The following PIEZO2 variants were observed in gnomAD, a reference collection of about 807,000 sequenced individuals.
PIEZO2 encodes the protein piezo type mechanosensitive ion channel component 2.
Under a neutral mutation model 337.3 loss-of-function variants are expected in PIEZO2, and 172 were observed. The observed-to-expected ratio is 0.51, with a 90% confidence interval of 0.45 to 0.58. The LOEUF is 0.58. Among genes scored for constraint, PIEZO2 ranks in the 20% least tolerant of loss-of-function variants. The pLI is 0.00. For synonymous variants in PIEZO2, 1,251 were observed against 1,228.5 expected (o/e 1.02, Z -0.38); for missense variants, 3,028 against 3,391.3 (o/e 0.89, Z 2.66).
rs886383786 is a variant in PIEZO2, at chr18:10,899,377, C to T, written c.329+11809G>A. ...CACTTTATCTAGGATAATGTATTTC[C>T]AAAGATTTGGATGGAAAACTCAAAC... is the stretch of plus-strand genomic sequence containing the variant. On this transcript the variant is annotated intron_variant, in intron 4 of 55. Transcript: ENST00000674853. This position sits in a 1 kb window ranked among gnomAD's most constrained non-coding sequence, Gnocchi z 4.6. Among the ~76,000 whole-genome samples the T allele has an allele frequency of 6.6e-6, 1 of 152,016 alleles. No individual in the cohort carries two copies. The highest frequency in any genetic ancestry group is 2.4e-5 in the African/African-American group (1 of 41,394).
chr18:11,040,333 T>C (rs543185142), intron 2 of PIEZO2, among the ~76,000 whole-genome samples: 2 of 152,206 alleles, frequency 1.3e-5, no homozygotes. Context: ...TTAGAGACAT[T>C]ATTTTATTTA....
chr18:11,056,590 T>A (rs370815222), intron 2 of PIEZO2, among the ~76,000 whole-genome samples: 4 of 152,300 alleles, frequency 2.6e-5, no homozygotes, highest in East Asian at 1.9e-4. Flanking sequence ...GATTGGTTAC[T>A]GAAGGGGATG....
intron 4 of PIEZO2, among the ~76,000 whole-genome samples, chr18:10,889,400 T>G (rs892885241): frequency 1.3e-5 from 2 of 152,242 alleles, no homozygotes; most frequent in Non-Finnish European, 1.5e-5. Context: ...TTAAGGCTTT[T>G]GGACACAATG....
intron 49 of PIEZO2, among the ~76,000 whole-genome samples, chr18:10,683,234 G>A (rs1454408373): frequency 6.6e-6 from 1 of 152,206 alleles, no homozygotes; most frequent in African/African-American, 2.4e-5. Flanking sequence ...TTACCCATAG[G>A]CACTAGCCAT....
intron 36 of PIEZO2, among the ~76,000 whole-genome samples, chr18:10,720,891 T>G (rs570239424): frequency 7.9e-5 from 12 of 152,306 alleles, no homozygotes; most frequent in Admixed American, 7.8e-4. Flanking sequence ...TGCTCTTTAT[T>G]TTTTATGCAT....
intron 2 of PIEZO2, among the ~76,000 whole-genome samples, chr18:11,030,247 A>T (rs2036682409): frequency 6.6e-6 from 1 of 152,246 alleles, no homozygotes; most frequent in Non-Finnish European, 1.5e-5. Context: ...TGTGATGAAA[A>T]TGACAACTAT....
At position 10,673,251 on chromosome 18, in the gene PIEZO2, T is replaced by C. The variant is rs573901651; in HGVS notation, c.8162-378A>G. ...GTCCATTCATATTACCAGCATTTGTTGCATGTCTCATAGGAGGAAGGCACT... is the reference window on the plus strand; with the variant it reads ...GTCCATTCATATTACCAGCATTTGTCGCATGTCTCATAGGAGGAAGGCACT... On this transcript the variant is annotated intron_variant, in intron 54 of 55. Coordinates refer to ENST00000674853, the MANE Select transcript of PIEZO2 (RefSeq NM_001378183.1). This position sits in a 1 kb window ranked among gnomAD's most constrained non-coding sequence, Gnocchi z 4.8. Among the ~76,000 whole-genome samples the C allele has an allele frequency of 1.4e-4, 22 of 152,234 alleles. No homozygotes were observed. Among genetic ancestry groups the C allele is most frequent in the Admixed American group, 3.9e-4 (6 of 15,290 alleles).
chr18:11,059,666 T>C (rs925828500), intron 2 of PIEZO2, among the ~76,000 whole-genome samples: 6 of 152,164 alleles, frequency 3.9e-5, no homozygotes, highest in African/African-American at 1.4e-4. Flanking sequence ...AAGAAGGCCA[T>C]TACATAATGG....
rs2036541063 is a variant in PIEZO2 at position 10,726,399 on chromosome 18, C to G, written c.5029+5008G>C. 2.0e-6 allele frequency: 3 copies of G among 1,526,314 alleles called. No homozygotes were observed. The East Asian group carries it at 7.4e-5, about 37-fold the overall frequency. The allele number at this position is 1,526,314 out of a possible 1,614,324, so 94.5% of individuals were successfully genotyped here. On this transcript the variant is annotated intron_variant, in intron 36 of 55. Transcript: ENST00000674853. This position sits in a 1 kb window ranked among gnomAD's most constrained non-coding sequence, Gnocchi z 5.9. ...CTACCTGCGGGGCGGTAACAACGCG[C>G]GCCAGCCGTGGCACAACGCGGAGGG...
At chr18:10,723,468 G>C (rs2036405929) in intron 36 of PIEZO2, among the ~76,000 whole-genome samples, 1 of 152,222 alleles carries the variant, frequency 6.6e-6, no homozygotes, top group South Asian at 2.1e-4. Flanking sequence ...GGAGCAGATG[G>C]AGGGAGATGT....
Position 10,707,000 on chromosome 18 carries a change from C to T in PIEZO2, c.5589-1254G>A, listed in dbSNP as rs182097808. Among the ~76,000 whole-genome samples, 108 of 152,272 alleles carry T rather than the reference C, an allele frequency of 7.1e-4. 1 individual carries two copies. The highest frequency in any genetic ancestry group is 2.5e-3 in the African/African-American group (103 of 41,556). The stretch of plus-strand genomic sequence containing the variant: ...GAATGAACCTTGGCAGAGCGGCTCA[C>T]GGCATCCTGTGACTGAAGAACCAGA... On this transcript the variant is annotated intron_variant, in intron 40 of 55. Transcript: ENST00000674853.
At chr18:11,093,551 G>A (rs1327132318) in intron 1 of PIEZO2, among the ~76,000 whole-genome samples, 2 of 139,000 alleles carry the variant, frequency 1.4e-5, no homozygotes, top group East Asian at 2.3e-4. Flanking sequence ...ATTTCTCCTT[G>A]ACATCCAGTC....
intron 1 of PIEZO2, among the ~76,000 whole-genome samples, chr18:11,119,614 G>A (rs1477024816): frequency 3.3e-5 from 5 of 152,120 alleles, no homozygotes; most frequent in Non-Finnish European, 7.3e-5. Flanking sequence ...TACGAAGGTA[G>A]CAGGGGTTTA....
chr18:10,696,148 C>G lies in PIEZO2; in HGVS notation c.7116G>C (p.Lys2372Asn), dbSNP rs753146531. Reference protein sequence around the residue: ...ALYLRKTVLGKVIFQVILVFG... With the variant: ...ALYLRKTVLGNVIFQVILVFG... ...ACACAAGAATGACCTGGAAGATGAC[C>G]TTTCCCAGTACAGTCTTCCTGAGGT... The change falls in exon 47 of 56, where the codon AAG becomes AAC. Residue 2372 changes from lysine to asparagine, a missense_variant. This residue lies in a region of PIEZO2 where 179 missense variants were observed against 281.8 expected (regional missense o/e 0.64). Coordinates refer to ENST00000674853, the MANE Select transcript of PIEZO2 (RefSeq NM_001378183.1). 1 of 1,614,200 alleles carries G rather than the reference C, an allele frequency of 6.2e-7. No homozygotes were observed. The highest frequency in any genetic ancestry group is 1.7e-5 in the Admixed American group (1 of 60,036).
intron 3 of PIEZO2, among the ~76,000 whole-genome samples, chr18:10,967,950 T>A (rs543412616): frequency 1.4e-4 from 21 of 152,158 alleles, no homozygotes; most frequent in Non-Finnish European, 2.9e-4. Context: ...CAGAAGCTTT[T>A]TAGTTTAATT....
intron 7 of PIEZO2, among the ~76,000 whole-genome samples, chr18:10,841,460 C>G (rs965545087): frequency 6.6e-6 from 1 of 152,116 alleles, no homozygotes; most frequent in African/African-American, 2.4e-5. Context: ...AGTGACTCAT[C>G]ATGTACAAGA....
chr18:10,820,175 T>A (rs929725808), intron 7 of PIEZO2, among the ~76,000 whole-genome samples: 5 of 152,144 alleles, frequency 3.3e-5, no homozygotes, highest in African/African-American at 1.2e-4. Context: ...TTTGTTTAGA[T>A]TGGAGTTTGT....
At chr18:10,901,452 AC>A (rs1183808341) in intron 4 of PIEZO2, among the ~76,000 whole-genome samples, 1 of 151,744 alleles carries the variant, frequency 6.6e-6, no homozygotes, top group African/African-American at 2.4e-5. Flanking sequence ...ACACACACAC[AC>A]ACACACTGCA....
chr18:11,080,292 GA>G lies in PIEZO2; in HGVS notation c.65-14071del, dbSNP rs1568356257. On this transcript the variant is annotated intron_variant, in intron 1 of 55. Coordinates refer to ENST00000674853, the MANE Select transcript of PIEZO2 (RefSeq NM_001378183.1). The surrounding 1 kb of genome is among the most constrained non-coding windows in gnomAD (Gnocchi z 5.4). ...TTTACAAAATAAAATTAAATCTAAG[GA>G]AAAAGTTGTCTCTTCCACCTCAGAA... Among the ~76,000 whole-genome samples the G allele has an allele frequency of 6.6e-6, 1 of 152,114 alleles. No individual in the cohort carries two copies. The highest frequency in any genetic ancestry group is 1.5e-5 in the Non-Finnish European group (1 of 68,012).
Sources: gnomAD v4.1 joint callset for allele counts (sites outside exome capture counted in the v4.1 genomes callset) on GRCh38, gnomAD v4.1.1 for gene constraint, gnomAD v4.1.1 regional missense constraint, Gnocchi (gnomAD v3.1) non-coding constraint, MANE v1.5 for transcripts, NCBI Gene and HGNC (gene_info 2026-07-23, HGNC 2026-07-21) for gene names.